TENM1: variants seen among roughly 807,000 people sequenced by gnomAD.
TENM1 encodes teneurin transmembrane protein 1.
TENM1 carries 35 observed loss-of-function variants against 174.8 expected under a neutral mutation model. The observed-to-expected ratio is 0.20, with a 90% CI of 0.15 to 0.27. The LOEUF (loss-of-function observed/expected upper bound fraction) is 0.27, where lower values mean the gene tolerates loss of function less well. TENM1 is among the 10% of genes least tolerant of loss of function. The pLI is 1.00. For synonymous variants in TENM1, 781 were observed against 798.7 expected (o/e 0.98, Z 0.37); for missense variants, 1,633 against 2,130.1 (o/e 0.77, Z 4.59).
At chrX:124,495,554 T>C (rs1769669833) in intron 20 of TENM1, among the ~76,000 whole-genome samples, 2 of 110,334 alleles carry the variant, frequency 1.8e-5, no homozygotes, top group African/African-American at 3.3e-5. Flanking sequence ...TTTGTTGCCA[T>C]TGCTTTTGGT....
At chrX:124,765,625 T>C (rs1322583880) in intron 3 of TENM1, among the ~76,000 whole-genome samples, 1 of 112,498 alleles carries the variant, frequency 8.9e-6, no homozygotes, top group East Asian at 2.8e-4. Context: ...TTCACTGTTA[T>C]AGATTTCTTC....
intron 4 of TENM1, among the ~76,000 whole-genome samples, chrX:124,716,225 G>A (rs1383320331): frequency 8.9e-6 from 1 of 111,800 alleles, no homozygotes; most frequent in Non-Finnish European, 1.9e-5. Flanking sequence ...CTTTGAAATA[G>A]CCTCAAAATA....
At chrX:124,935,479 T>G (rs1352071519) in intron 1 of TENM1, among the ~76,000 whole-genome samples, 1 of 112,164 alleles carries the variant, frequency 8.9e-6, no homozygotes, top group African/African-American at 3.2e-5. Flanking sequence ...TTCCTCCTAC[T>G]GTTATTATCA....
intron 22 of TENM1, among the ~76,000 whole-genome samples, chrX:124,461,684 G>C (rs2147872067): frequency 9.0e-6 from 1 of 111,587 alleles, no homozygotes; most frequent in Non-Finnish European, 1.9e-5. Context: ...CTGATACGTG[G>C]GAGCTAAAAA....
rs200542551 is a variant in TENM1, at chrX:124,481,854, G to A, written c.3827C>T (p.Thr1276Met). Residue 1276 changes from threonine to methionine, a missense_variant, in exon 22 of 32, where the codon ACG becomes ATG. Thr to Met is a moderately conservative substitution (Grantham distance 81). Around this residue, in one of 4 missense-constraint regions of TENM1, gnomAD observed 72 missense variants for 59.4 expected, o/e 1.21. Coordinates refer to ENST00000422452, the Ensembl canonical transcript of TENM1. ...TTCAAAATTCTTGGACAGATCTTTC[G>A]TCTCCACAAGAGATTTCAACTTGTA... 4.0e-5 allele frequency: 48 copies of A among 1,202,654 alleles called. No homozygotes were observed. In the East Asian group the frequency reaches 8.3e-4, roughly 21 times the overall value.
chrX:124,491,751 G>A (rs1040675086), intron 20 of TENM1, among the ~76,000 whole-genome samples: 7 of 111,973 alleles, frequency 6.3e-5, no homozygotes, highest in Non-Finnish European at 1.3e-4. Context: ...TATTTTTGAG[G>A]TCAGATGTTT....
At chrX:124,724,304 G>C (rs1282979752) in intron 4 of TENM1, among the ~76,000 whole-genome samples, 1 of 112,308 alleles carries the variant, frequency 8.9e-6, no homozygotes, top group Non-Finnish European at 1.9e-5. Flanking sequence ...ATCAACATAA[G>C]AAAAGGCATA....
At chrX:124,411,740 G>A (rs1283659695) in intron 25 of TENM1, 1 of 111,963 alleles carries the variant, frequency 8.9e-6, no homozygotes, top group East Asian at 2.8e-4. Context: ...CTACAACTTT[G>A]GAAAGATTGC....
At chrX:124,596,130 TC>T (rs1313803627) in intron 11 of TENM1, among the ~76,000 whole-genome samples, 2 of 112,130 alleles carry the variant, frequency 1.8e-5, no homozygotes, top group East Asian at 5.5e-4. Context: ...GCTTTCAAAA[TC>T]ACAAAGCGAT....
At chrX:125,087,752 C>T in the TENM1 span, among the ~76,000 whole-genome samples, 4 of 109,906 alleles carry the variant, frequency 3.6e-5, 1 homozygote, top group South Asian at 7.5e-4. Flanking sequence ...TGGAACAATT[C>T]GAGAAACAAA....
At chrX:124,491,311 G>A (rs1342734662) in intron 20 of TENM1, among the ~76,000 whole-genome samples, 1 of 111,583 alleles carries the variant, frequency 9.0e-6, no homozygotes, top group Non-Finnish European at 1.9e-5. Flanking sequence ...TACCCTCATG[G>A]ATCCTTCTAA....
rs147562963 is a variant in TENM1 at position 124,399,707 on chromosome X, C to T, written c.5391+5324G>A. Among the ~76,000 whole-genome samples, 373 of 112,043 alleles carry T rather than the reference C, an allele frequency of 3.3e-3. 2 individuals carry two copies. Among genetic ancestry groups the T allele is most frequent in the African/African-American group, 0.011 (351 of 30,769 alleles). On this transcript the variant is annotated intron_variant, in intron 27 of 31. Transcript: ENST00000422452. ...ATAGGCTAGGCACGGTGACTCGTGC[C>T]TGAAGTCCCAGCACTTTAGGAGGCT...
At chrX:124,854,757 C>T (rs1051914867) in intron 3 of TENM1, among the ~76,000 whole-genome samples, 5 of 111,304 alleles carry the variant, frequency 4.5e-5, no homozygotes, top group Non-Finnish European at 7.6e-5. Flanking sequence ...AAACACAATA[C>T]TCTAAACTGT....
chrX:124,394,999 T>C (rs1219443206), intron 27 of TENM1, among the ~76,000 whole-genome samples: 1 of 111,768 alleles, frequency 8.9e-6, no homozygotes, highest in Non-Finnish European at 1.9e-5. Flanking sequence ...TACAGAACCC[T>C]ATGAGTGAAA....
At chrX:124,830,695 G>A (rs150127674) in intron 3 of TENM1, among the ~76,000 whole-genome samples, 1,793 of 111,674 alleles carry the variant, frequency 0.016, 34 homozygotes, top group African/African-American at 0.055. Context: ...GTAAGTCTGC[G>A]TGTGAACTCA....
chrX:124,964,493 T>C (rs1177787350), upstream of TENM1, among the ~76,000 whole-genome samples: 1 of 111,504 alleles, frequency 9.0e-6, no homozygotes, highest in Non-Finnish European at 1.9e-5. Context: ...AGTATACTGG[T>C]ACAGCAACAG....
intron 3 of TENM1, among the ~76,000 whole-genome samples, chrX:124,893,808 G>A (rs2057515138): frequency 9.0e-6 from 1 of 111,631 alleles, no homozygotes; most frequent in African/African-American, 3.2e-5. Context: ...TCATTTGAAA[G>A]TGTTATTTAT....
At chrX:124,763,757 T>C (rs1316003834) in intron 3 of TENM1, among the ~76,000 whole-genome samples, 2 of 112,000 alleles carry the variant, frequency 1.8e-5, no homozygotes, top group Non-Finnish European at 3.8e-5. Context: ...GAGATATCTC[T>C]CAGATTTAGG....
At chrX:124,664,348 C>T (rs2051685861) in intron 6 of TENM1, among the ~76,000 whole-genome samples, 1 of 110,407 alleles carries the variant, frequency 9.1e-6, no homozygotes, top group Non-Finnish European at 1.9e-5. Context: ...ACAATGATTA[C>T]CTGGGTGGGG....
Sources: allele counts gnomAD v4.1 joint callset (sites outside exome capture counted in the v4.1 genomes callset), GRCh38; gene constraint gnomAD v4.1.1; regional missense constraint gnomAD v4.1.1; transcripts MANE v1.5; gene names NCBI Gene and HGNC (gene_info 2026-07-23, HGNC 2026-07-21).